The following KLF8 variants were observed in gnomAD, a reference collection of about 807,000 sequenced individuals.
KLF8 encodes the protein KLF transcription factor 8.
A neutral mutation model predicts 18.2 loss-of-function variants in KLF8; 10 were observed. The observed-to-expected ratio is 0.55, with a 90% confidence interval of 0.34 to 0.93. The LOEUF (loss-of-function observed/expected upper bound fraction) is 0.93, where lower values mean the gene tolerates loss of function less well. KLF8 is among the 40% of genes least tolerant of loss of function. KLF8 has a pLI of 0.02. For synonymous variants in KLF8, 109 were observed against 97.3 expected, an observed-to-expected ratio of 1.12 and a Z score of -0.71; for missense variants, 264 against 277.9, an observed-to-expected ratio of 0.95 and a Z score of 0.36.
At chrX:56,083,747 T>A in the KLF8 span, among the ~76,000 whole-genome samples, 1 of 111,293 alleles carries the variant, frequency 9.0e-6, no homozygotes, top group Non-Finnish European at 1.9e-5. Context: ...TGCTGTCAAA[T>A]CAGTGGTGAT....
chrX:56,047,570 C>T, the KLF8 span, among the ~76,000 whole-genome samples: 1 of 110,495 alleles, frequency 9.1e-6, no homozygotes, highest in Non-Finnish European at 1.9e-5. Flanking sequence ...CCAGCTTCAT[C>T]CATGCCCCTA....
At position 56,284,436 on chromosome X, in the gene KLF8, G is replaced by T. The variant is rs1470090266; in HGVS notation, c.1022G>T (p.Arg341Leu). The change falls in exon 6 of 6, where the codon CGC becomes CTC. Residue 341 changes from arginine to leucine, a missense_variant. Transcript: ENST00000468660. ...CCTTTTCGGTGCACAGACTGCAACC[G>T]CAGCTTTTCTCGTTCTGACCACCTG... ...IKPFRCTDCNRSFSRSDHLSL... is the reference protein window; with the variant it reads ...IKPFRCTDCNLSFSRSDHLSL... 2 of 1,207,155 alleles carry T rather than the reference G, an allele frequency of 1.7e-6. No homozygotes were observed.
At chrX:56,215,203 T>C in the KLF8 span, among the ~76,000 whole-genome samples, 2 of 111,921 alleles carry the variant, frequency 1.8e-5, no homozygotes, top group Non-Finnish European at 3.8e-5. Context: ...GGAATGTAAG[T>C]GACAGCTTGA....
chrX:56,133,614 A>T, the KLF8 span, among the ~76,000 whole-genome samples: 1 of 111,597 alleles, frequency 9.0e-6, no homozygotes, highest in Non-Finnish European at 1.9e-5. Context: ...GAAGACAAGG[A>T]TGCCCACTCT....
At chrX:56,159,348 C>CT in the KLF8 span, among the ~76,000 whole-genome samples, 50 of 111,544 alleles carry the variant, frequency 4.5e-4, no homozygotes, top group Admixed American at 4.7e-3. Context: ...CTAAAATTCT[C>CT]TTTTTTTGTT....
At chrX:56,187,611 G>A in the KLF8 span, among the ~76,000 whole-genome samples, 7 of 111,665 alleles carry the variant, frequency 6.3e-5, no homozygotes, top group Non-Finnish European at 1.3e-4. Flanking sequence ...GAACATCGAT[G>A]CAAACTTCCT....
At chrX:55,933,365 T>C in the KLF8 span, among the ~76,000 whole-genome samples, 1 of 112,178 alleles carries the variant, frequency 8.9e-6, no homozygotes. Flanking sequence ...TTATCAGATC[T>C]ACTTACGTAA....
At chrX:56,225,622 T>G in the KLF8 span, among the ~76,000 whole-genome samples, 3 of 112,078 alleles carry the variant, frequency 2.7e-5, no homozygotes, top group Non-Finnish European at 5.6e-5. Context: ...TAGCAAAAAT[T>G]TATACAGTGC....
At chrX:56,119,925 G>A in the KLF8 span, among the ~76,000 whole-genome samples, 1 of 108,738 alleles carries the variant, frequency 9.2e-6, no homozygotes. Context: ...AGAAAATTTG[G>A]AAGTCCACGT....
the KLF8 span, among the ~76,000 whole-genome samples, chrX:56,064,807 C>A: frequency 9.0e-6 from 1 of 111,546 alleles, no homozygotes; most frequent in Non-Finnish European, 1.9e-5. Flanking sequence ...ACCCTCTCAG[C>A]TTTTGCCTTT....
At position 56,241,064 on chromosome X, in the gene KLF8, G is replaced by A. The variant is rs765135977; in HGVS notation, c.7+7723G>A. On this transcript the variant is annotated intron_variant, in intron 1 of 5. Transcript: ENST00000468660. The stretch of plus-strand genomic sequence containing the variant: ...AAAAATATACATTGAGGTAGGGGGA[G>A]TGGGTTGAGGTACAGATGAAACAAG... 8.0e-5 allele frequency among the ~76,000 whole-genome samples: 9 copies of A among 112,278 alleles called. No individual in the cohort carries two copies. The East Asian group carries it at 2.2e-3, about 28-fold the overall frequency.
chrX:56,213,314 C>CTTTTCTTTTCTT, the KLF8 span, among the ~76,000 whole-genome samples: 1 of 12,016 alleles, frequency 8.3e-5, no homozygotes, highest in Non-Finnish European at 1.6e-4. Flanking sequence ...CTTTTCTTTT[C>CTTTTCTTTTCTT]TTTTTTTTTT....
chrX:56,241,213 A>G (rs932965268), intron 1 of KLF8, among the ~76,000 whole-genome samples: 2 of 111,447 alleles, frequency 1.8e-5, no homozygotes, highest in Non-Finnish European at 3.8e-5. Context: ...TTTCATGCAG[A>G]GTGGAGTGCA....
At chrX:56,111,025 G>T in the KLF8 span, among the ~76,000 whole-genome samples, 1 of 111,552 alleles carries the variant, frequency 9.0e-6, no homozygotes, top group African/African-American at 3.3e-5. Flanking sequence ...TACTGGTAAT[G>T]AATTTTCTCA....
the KLF8 span, among the ~76,000 whole-genome samples, chrX:56,153,562 C>T: frequency 9.0e-6 from 1 of 110,808 alleles, no homozygotes; most frequent in African/African-American, 3.3e-5. Flanking sequence ...GAGAGGGCAT[C>T]CCTGTCTCGT....
At chrX:56,096,353 T>G in the KLF8 span, among the ~76,000 whole-genome samples, 1 of 111,225 alleles carries the variant, frequency 9.0e-6, no homozygotes, top group Non-Finnish European at 1.9e-5. Flanking sequence ...ATGTACACTG[T>G]GGGTGATAGG....
chrX:56,071,630 A>C, the KLF8 span, among the ~76,000 whole-genome samples: 1 of 111,791 alleles, frequency 8.9e-6, no homozygotes, highest in Non-Finnish European at 1.9e-5. Context: ...AAAGTCTAGT[A>C]GTCATTTAAG....
chrX:56,145,000 C>G, the KLF8 span, among the ~76,000 whole-genome samples: 2 of 109,047 alleles, frequency 1.8e-5, no homozygotes, highest in Non-Finnish European at 3.8e-5. Flanking sequence ...ACCATGTTGG[C>G]CAGGCTGGTC....
At chrX:55,969,195 A>G in the KLF8 span, among the ~76,000 whole-genome samples, 4 of 112,168 alleles carry the variant, frequency 3.6e-5, no homozygotes, top group Non-Finnish European at 5.6e-5. Flanking sequence ...TGGATAGGCC[A>G]TATGTTAGGC....
Sources: gnomAD v4.1 joint callset for allele counts (sites outside exome capture counted in the v4.1 genomes callset) on GRCh38, gnomAD v4.1.1 for gene constraint, MANE v1.5 for transcripts, NCBI Gene and HGNC (gene_info 2026-07-23, HGNC 2026-07-21) for gene names.